The following SNTG1 variants were observed in gnomAD, a reference collection of about 807,000 sequenced individuals.
SNTG1 encodes syntrophin gamma 1.
A neutral mutation model predicts 74.7 loss-of-function variants in SNTG1; 39 were observed. The observed-to-expected ratio is 0.52, with a 90% CI of 0.40 to 0.68. SNTG1 has a LOEUF of 0.68. Ranked by LOEUF, SNTG1 falls within the 30% of genes least tolerant of loss-of-function variation. SNTG1 has a pLI of 0.00. For synonymous variants in SNTG1, 254 were observed against 217.1 expected (o/e 1.17, Z -1.49); for missense variants, 685 against 609.5 (o/e 1.12, Z -1.30).
chr8:50,485,976 G>C (rs1253722236), intron 8 of SNTG1, among the ~76,000 whole-genome samples: 1 of 151,374 alleles, frequency 6.6e-6, no homozygotes, highest in African/African-American at 2.4e-5. Context: ...AGATCAGATA[G>C]TTGTAGATAT....
intron 1 of SNTG1, among the ~76,000 whole-genome samples, chr8:50,034,576 GC>G (rs1170066917): frequency 6.6e-6 from 1 of 152,110 alleles, no homozygotes; most frequent in African/African-American, 2.4e-5. Context: ...GTGAGCCCCT[GC>G]CCCAAACCTG....
At position 50,704,854 on chromosome 8, in the gene SNTG1, G is replaced by T. The variant is rs866097787; in HGVS notation, c.1191+102G>T. The T allele has an allele frequency of 7.3e-6, 10 of 1,374,342 alleles. No homozygotes were observed. In the Middle Eastern group the frequency reaches 1.7e-3, roughly 229 times the overall value. 85.1% of individuals were successfully genotyped at this position (1,374,342 alleles called of 1,614,324 possible). On this transcript the variant is annotated intron_variant, in intron 16 of 18. Coordinates refer to ENST00000642720, the MANE Select transcript of SNTG1 (RefSeq NM_018967.5). ...CAAAGTAGTGTAAAAATACAGTTCT[G>T]GGAATCTTGACCTCATATACATTCT...
intron 8 of SNTG1, among the ~76,000 whole-genome samples, chr8:50,466,708 C>T (rs2093611378): frequency 6.6e-6 from 1 of 151,988 alleles, no homozygotes; most frequent in Non-Finnish European, 1.5e-5. Flanking sequence ...GCTCTATCAG[C>T]AGAGCTTTGT....
At chr8:50,426,554 AT>A (rs1286181678) in intron 4 of SNTG1, among the ~76,000 whole-genome samples, 65 of 151,998 alleles carry the variant, frequency 4.3e-4, no homozygotes, top group African/African-American at 1.5e-3. Flanking sequence ...GCTAAGTGTT[AT>A]TAAAAGTCAA....
intron 13 of SNTG1, among the ~76,000 whole-genome samples, chr8:50,609,512 C>A (rs1313616782): frequency 6.6e-6 from 1 of 152,018 alleles, no homozygotes; most frequent in African/African-American, 2.4e-5. Context: ...CTGTACATCT[C>A]TTTGTGTTTA....
chr8:49,938,959 C>G (rs1167711670), intron 1 of SNTG1, among the ~76,000 whole-genome samples: 1 of 151,956 alleles, frequency 6.6e-6, no homozygotes, highest in Non-Finnish European at 1.5e-5. Context: ...TCACGTTTTA[C>G]CAGTCTGTCT....
chr8:50,640,814 C>T lies in SNTG1; in HGVS notation c.850-16095C>T, dbSNP rs374734552. ...TCATTACCAGTAATTACAATGTGAA[C>T]ATAATTTAAATTTCAAACAATCTTC... On this transcript the variant is annotated intron_variant, in intron 13 of 18. Transcript: ENST00000642720. 5.1e-3 allele frequency among the ~76,000 whole-genome samples: 770 copies of T among 152,200 alleles called. 8 individuals carry two copies. Among genetic ancestry groups the T allele is most frequent in the Non-Finnish European group, 8.0e-3 (544 of 68,008 alleles).
At chr8:50,326,573 CTT>C (rs1418014438) in intron 2 of SNTG1, among the ~76,000 whole-genome samples, 1 of 150,384 alleles carries the variant, frequency 6.6e-6, no homozygotes, top group Non-Finnish European at 1.5e-5. Flanking sequence ...TAATTTGTGT[CTT>C]GTCTCTTTTT....
intron 8 of SNTG1, among the ~76,000 whole-genome samples, chr8:50,465,228 CATTT>C (rs2093599655): frequency 6.6e-6 from 1 of 152,074 alleles, no homozygotes; most frequent in African/African-American, 2.4e-5. Flanking sequence ...ATCTGTCATT[CATTT>C]ATTTAATTGT....
chr8:50,744,012 C>T (rs1334782770), intron 17 of SNTG1, among the ~76,000 whole-genome samples: 1 of 151,834 alleles, frequency 6.6e-6, no homozygotes, highest in Non-Finnish European at 1.5e-5. Flanking sequence ...ACAGGATTTC[C>T]TATGAACCCA....
At chr8:50,262,135 G>A (rs1217955557) in intron 2 of SNTG1, among the ~76,000 whole-genome samples, 1 of 152,092 alleles carries the variant, frequency 6.6e-6, no homozygotes, top group African/African-American at 2.4e-5. Context: ...GAAATCTCAA[G>A]AGATGTGGAA....
chr8:50,240,034 T>A (rs2086099028), intron 2 of SNTG1, among the ~76,000 whole-genome samples: 1 of 152,188 alleles, frequency 6.6e-6, no homozygotes, highest in Non-Finnish European at 1.5e-5. Flanking sequence ...CAGGAAGTTG[T>A]AGGTATATTT....
At chr8:50,154,994 G>A (rs1586513193) in intron 1 of SNTG1, among the ~76,000 whole-genome samples, 1 of 152,176 alleles carries the variant, frequency 6.6e-6, no homozygotes, top group African/African-American at 2.4e-5. Flanking sequence ...GAGTAATTCT[G>A]TGTACTATAC....
At chr8:50,562,499 T>C (rs1484035066) in intron 12 of SNTG1, among the ~76,000 whole-genome samples, 1 of 152,190 alleles carries the variant, frequency 6.6e-6, no homozygotes, top group Non-Finnish European at 1.5e-5. Flanking sequence ...GCACTTCTAC[T>C]CTAGAGCCTC....
intron 1 of SNTG1, among the ~76,000 whole-genome samples, chr8:49,915,513 A>T (rs1220602252): frequency 6.6e-6 from 1 of 152,174 alleles, no homozygotes; most frequent in Non-Finnish European, 1.5e-5. Flanking sequence ...ATGAAGGTGG[A>T]CTTGGTTTCA....
intron 11 of SNTG1, among the ~76,000 whole-genome samples, chr8:50,549,114 A>G (rs912946322): frequency 1.3e-5 from 2 of 152,192 alleles, no homozygotes; most frequent in Non-Finnish European, 2.9e-5. Context: ...GTTTCAATTC[A>G]TGAAACAACT....
chr8:50,395,525 A>G (rs1329535335), intron 3 of SNTG1, among the ~76,000 whole-genome samples: 1 of 30,716 alleles, frequency 3.3e-5, no homozygotes, highest in Non-Finnish European at 9.9e-5. Flanking sequence ...TTTTTTTTTA[A>G]TGGAGTCTCA....
At chr8:50,788,946 C>G (rs868602146) in intron 18 of SNTG1, among the ~76,000 whole-genome samples, 29 of 152,082 alleles carry the variant, frequency 1.9e-4, no homozygotes, top group African/African-American at 6.3e-4. Context: ...TACAATTGTC[C>G]TCAGATTTGA....
chr8:50,587,666 A>G (rs955662993), intron 12 of SNTG1, among the ~76,000 whole-genome samples: 17 of 151,462 alleles, frequency 1.1e-4, no homozygotes, highest in African/African-American at 4.1e-4. Flanking sequence ...CTCTACTAAA[A>G]ATACAAAAAT....
Sources: allele counts gnomAD v4.1 joint callset (sites outside exome capture counted in the v4.1 genomes callset), GRCh38; gene constraint gnomAD v4.1.1; transcripts MANE v1.5; gene names NCBI Gene and HGNC (gene_info 2026-07-23, HGNC 2026-07-21).